Variants in ZNF551 observed in about 807,000 individuals in gnomAD.
ZNF551 encodes the protein KOX 23 protein (56 AA).
A neutral mutation model predicts 7.9 loss-of-function variants in ZNF551; 5 were observed. The observed-to-expected ratio is 0.63, with a 90% CI of 0.33 to 1.33. The LOEUF (loss-of-function observed/expected upper bound fraction) is 1.33. ZNF551 is among the 40% of genes most tolerant of loss of function. The pLI is 0.05. For synonymous variants in ZNF551, 287 were observed against 277.3 expected (o/e 1.03, Z -0.35); for missense variants, 788 against 825.2 (o/e 0.95, Z 0.55).
intron 1 of ZNF551, among the ~76,000 whole-genome samples, chr19:57,682,829 A>G (rs1984433508): frequency 6.6e-6 from 1 of 152,170 alleles, no homozygotes; most frequent in Non-Finnish European, 1.5e-5. Flanking sequence ...GGGCCCTGAG[A>G]CTTTGAGCAA....
In ZNF551 at chr19:57,687,469, A is replaced by G. The variant is rs748974890; in HGVS notation, c.1194A>G (p.Lys398=). The change falls in exon 3 of 3, where the codon AAA becomes AAG. Residue 398 remains lysine (K), a synonymous_variant. Coordinates refer to ENST00000282296, the MANE Select transcript of ZNF551 (RefSeq NM_138347.5). Reference sequence around the variant, plus strand: ...CTTATCAGTGCTGTGAGTGTGGGAAATCCTTTAGACAAATCTTCAATCTCA... The same window carrying G: ...CTTATCAGTGCTGTGAGTGTGGGAAGTCCTTTAGACAAATCTTCAATCTCA... ...ERPYQCCECG[K]SFRQIFNLIR... 6.2e-7 allele frequency: 1 copy of G among 1,614,076 alleles called. No individual in the cohort carries two copies. Among genetic ancestry groups the G allele is most frequent in the South Asian group, 1.1e-5 (1 of 91,080 alleles).
Position 57,687,423 on chromosome 19 carries a change from G to T in ZNF551, c.1148G>T (p.Arg383Ile). Residue 383 changes from arginine to isoleucine, a missense_variant, in exon 3 of 3, where the codon AGA (arginine) becomes ATA (isoleucine). By Grantham distance (97) the Arg-to-Ile change is moderately conservative. Transcript: ENST00000282296. ...AGCTCTAGCCTTTTTCGACACCAGA[G>T]AGTTCACTCTGGAGAAAGGCCTTAT... ...RQSSSLFRHQRVHSGERPYQC... is the reference protein window; with the variant it reads ...RQSSSLFRHQIVHSGERPYQC... 6.2e-7 allele frequency: 1 copy of T among 1,614,090 alleles called. No individual in the cohort carries two copies. Among genetic ancestry groups the T allele is most frequent in the South Asian group, 1.1e-5 (1 of 91,064 alleles).
chr19:57,683,876 A>C (rs1271847586), intron 1 of ZNF551, among the ~76,000 whole-genome samples: 1 of 152,138 alleles, frequency 6.6e-6, no homozygotes, highest in Non-Finnish European at 1.5e-5. Context: ...ACCTCTCTGC[A>C]GACTGACCAG....
rs1984395288 is a variant in ZNF551 at position 57,682,024 on chromosome 19, G to A, written c.-140G>A. ...TGGCGGTCATTTTGGCCTCTGTCCT[G>A]TTTGTCCAGCCCGCCAGTTTCTGCA... On this transcript the variant is annotated 5_prime_UTR_variant, in exon 1 of 3. Coordinates refer to ENST00000282296, the MANE Select transcript of ZNF551 (RefSeq NM_138347.5). The A allele has an allele frequency of 5.5e-6, 5 of 915,360 alleles. No homozygotes were observed. The highest frequency in any genetic ancestry group is 8.2e-6 in the Non-Finnish European group (5 of 611,032). 56.7% of individuals were successfully genotyped at this position (915,360 alleles called of 1,614,324 possible). A position where few individuals can be genotyped will look rare whatever the true frequency, so the allele number is the denominator to read the frequency against.
intron 1 of ZNF551, among the ~76,000 whole-genome samples, chr19:57,682,925 G>A (rs1984436941): frequency 6.6e-6 from 1 of 152,236 alleles, no homozygotes; most frequent in South Asian, 2.1e-4. Flanking sequence ...GGTTGTCCAA[G>A]GCAAAGTTAC....
intron 2 of ZNF551, 49 bp from the exon 3 acceptor site, chr19:57,686,432 C>A: frequency 6.3e-7 from 1 of 1,579,700 alleles, no homozygotes; most frequent in South Asian, 1.2e-5. Context: ...ACATCTTTCT[C>A]CTTCCATGAA....
intron 1 of ZNF551, 116 bp from the exon 2 acceptor site, chr19:57,685,146 G>A: frequency 7.0e-7 from 1 of 1,420,452 alleles, no homozygotes; most frequent in East Asian, 2.3e-5. Context: ...CGGTGGCACT[G>A]TGGCTGGTTA....
Position 57,687,276 on chromosome 19 carries a change from G to A in ZNF551, c.1001G>A (p.Arg334His), listed in dbSNP as rs201404456. The A allele has an allele frequency of 9.7e-5, 156 of 1,614,106 alleles. No homozygotes were observed. The highest frequency in any genetic ancestry group is 8.2e-4 in the Middle Eastern group (5 of 6,062). The change falls in exon 3 of 3, where the codon CGT (arginine) becomes CAT (histidine). Residue 334 changes from arginine to histidine, a missense_variant. Coordinates refer to ENST00000282296, the MANE Select transcript of ZNF551 (RefSeq NM_138347.5). Reference protein sequence around the residue: ...HHQRRHTGGVRHECGECRKTF... With the variant: ...HHQRRHTGGVHHECGECRKTF... ...CAGAGACGTCACACTGGAGGAGTGC[G>A]TCATGAGTGTGGTGAATGTAGGAAA...
At chr19:57,682,383 G>A (rs914038071) in intron 1 of ZNF551, 139 bp downstream of exon 1, 9 of 846,218 alleles carry the variant, frequency 1.1e-5, no homozygotes, top group Non-Finnish European at 3.5e-6. Context: ...GGACCCGTTT[G>A]TGACGCCCAG....
At position 57,687,468 on chromosome 19, in the gene ZNF551, A is replaced by G. The variant is rs1321492416; in HGVS notation, c.1193A>G (p.Lys398Arg). 6.2e-7 allele frequency: 1 copy of G among 1,614,138 alleles called. No homozygotes were observed. Among genetic ancestry groups the G allele is most frequent in the Admixed American group, 1.7e-5 (1 of 60,018 alleles). ...ERPYQCCECG[K>R]SFRQIFNLIR... ...CCTTATCAGTGCTGTGAGTGTGGGA[A>G]ATCCTTTAGACAAATCTTCAATCTC... is the stretch of plus-strand genomic sequence containing the variant. Residue 398 changes from lysine (K) to arginine (R), a missense_variant, in exon 3 of 3, where the codon AAA (lysine) becomes AGA (arginine). Transcript: ENST00000282296.
rs1568457143 is a variant in ZNF551 at position 57,688,307 on chromosome 19, A to G, written c.*19A>G. On this transcript the variant is annotated 3_prime_UTR_variant, in exon 3 of 3. Transcript: ENST00000282296. The stretch of plus-strand genomic sequence containing the variant: ...GCCTTAAATGTGAAGGGAATGTGCT[A>G]TTTCTTTATTCAGTATAATAGCACT... 2 of 1,609,210 alleles carry G rather than the reference A, an allele frequency of 1.2e-6. No individual in the cohort carries two copies. Among genetic ancestry groups the G allele is most frequent in the African/African-American group, 1.3e-5 (1 of 74,930 alleles).
In ZNF551 at chr19:57,687,120, G is replaced by T. The variant is rs79641980; in HGVS notation, c.845G>T (p.Ser282Ile). The change falls in exon 3 of 3, where the codon AGT becomes ATT. Residue 282 changes from serine (S) to isoleucine (I), a missense_variant. Ser to Ile is a moderately radical substitution (Grantham distance 142). Transcript: ENST00000282296. The stretch of plus-strand genomic sequence containing the variant: ...ACTGGACAAAAGATGTTTGAGTGTA[G>T]TGAATGTGAGGAATCCTTTAGCAAA... ...IHTGQKMFEC[S>I]ECEESFSKKC... 6.2e-7 allele frequency: 1 copy of T among 1,614,252 alleles called. No homozygotes were observed. The highest frequency in any genetic ancestry group is 8.5e-7 in the Non-Finnish European group (1 of 1,180,050).
At chr19:57,682,632 G>C (rs886813813) in intron 1 of ZNF551, among the ~76,000 whole-genome samples, 2 of 152,234 alleles carry the variant, frequency 1.3e-5, no homozygotes, top group Non-Finnish European at 2.9e-5. Flanking sequence ...CTCAGGGGAA[G>C]AACAGGCTGA....
In ZNF551 at chr19:57,686,389, A is replaced by G. The variant is rs116024724; in HGVS notation, c.206-92A>G. 4.3e-3 allele frequency: 6,457 copies of G among 1,516,252 alleles called. 227 individuals carry two copies. The African/African-American group carries it at 0.075, about 18-fold the overall frequency. 93.9% of individuals were successfully genotyped at this position (1,516,252 alleles called of 1,614,324 possible). On this transcript the variant is annotated intron_variant, in intron 2 of 2. Coordinates refer to ENST00000282296, the MANE Select transcript of ZNF551 (RefSeq NM_138347.5). ...CGTTGTTCTCAGAACAGTTCCATGC[A>G]CTCAGTTCTTGTGTCTCACACATTT...
At chr19:57,686,190 C>T (rs2122334406) in intron 2 of ZNF551, among the ~76,000 whole-genome samples, 2 of 152,322 alleles carry the variant, frequency 1.3e-5, no homozygotes, top group Non-Finnish European at 2.9e-5. Context: ...TTCTGTACAG[C>T]ACATACATCA....
At chr19:57,685,126 G>A in intron 1 of ZNF551, 136 bp from the exon 2 acceptor site, 2 of 1,103,320 alleles carry the variant, frequency 1.8e-6, no homozygotes, top group Non-Finnish European at 1.3e-6. Context: ...TGTGGGGAGA[G>A]GGTAGGCATC....
chr19:57,689,776 G>A lies in ZNF551; in HGVS notation c.*1488G>A, dbSNP rs139366323. The A allele has an allele frequency of 1.9e-3, 291 of 152,286 alleles. 1 individual carries two copies. The highest frequency in any genetic ancestry group is 6.9e-3 in the African/African-American group (284 of 41,294). 9.4% of individuals were successfully genotyped at this position (152,286 alleles called of 1,614,324 possible). The stretch of plus-strand genomic sequence containing the variant: ...ATTGCACCACTGCACTCCAGCCCAG[G>A]CAACAGAGTGAGACTCCGTCTCCAA... On this transcript the variant is annotated 3_prime_UTR_variant, in exon 3 of 3. Coordinates refer to ENST00000282296, the MANE Select transcript of ZNF551 (RefSeq NM_138347.5).
At position 57,682,174 on chromosome 19, in the gene ZNF551, C is replaced by T; in HGVS notation, c.11C>T (p.Pro4Leu). 6.5e-7 allele frequency: 1 copy of T among 1,548,880 alleles called. No individual in the cohort carries two copies. The highest frequency in any genetic ancestry group is 1.2e-5 in the South Asian group (1 of 83,994). Residue 4 changes from proline (P) to leucine (L), a missense_variant, in exon 1 of 3, where the codon CCG (proline) becomes CTG (leucine). Physicochemically the swap from Pro to Leu is moderately conservative, Grantham distance 98. Coordinates refer to ENST00000282296, the MANE Select transcript of ZNF551 (RefSeq NM_138347.5). Reference sequence around the variant, plus strand: ...GACTGTTGTGTTCGAATGCCCGCCCCGGTCGGCCGCCGCTCCCCGCCTAGT... The same window carrying T: ...GACTGTTGTGTTCGAATGCCCGCCCTGGTCGGCCGCCGCTCCCCGCCTAGT... MPA[P>L]VGRRSPPSPR...
chr19:57,685,449 C>A (rs1984525604), intron 2 of ZNF551, 64 bp downstream of exon 2: 1 of 1,611,786 alleles, frequency 6.2e-7, no homozygotes, highest in Non-Finnish European at 8.5e-7. Context: ...ACCTCTGTCT[C>A]AGGAGTCTTG....
Sources: gnomAD v4.1 joint callset for allele counts (sites outside exome capture counted in the v4.1 genomes callset) on GRCh38, gnomAD v4.1.1 for gene constraint, MANE v1.5 for transcripts, NCBI Gene and HGNC (gene_info 2026-07-23, HGNC 2026-07-21) for gene names.